PTPRD: variants seen among roughly 807,000 people sequenced by gnomAD.
PTPRD encodes the protein protein tyrosine phosphatase receptor type D, also known as receptor-type tyrosine-protein phosphatase delta.
In PTPRD, 34 loss-of-function variants were observed where a neutral mutation model predicts 214.5. The ratio of observed to expected loss-of-function variants is 0.16; its 90% CI spans 0.12 to 0.21. The LOEUF (loss-of-function observed/expected upper bound fraction) is 0.21, where lower values mean the gene tolerates loss of function less well. PTPRD is among the 10% of genes least tolerant of loss of function. The pLI is 1.00. For synonymous variants in PTPRD, 1,128 were observed against 845.7 expected (o/e 1.33, Z -5.79); for missense variants, 2,545 against 2,398.7 (o/e 1.06, Z -1.27).
At chr9:10,437,872 G>C (rs1219986295) in intron 2 of PTPRD, among the ~76,000 whole-genome samples, 1 of 150,612 alleles carries the variant, frequency 6.6e-6, no homozygotes, top group African/African-American at 2.5e-5. Flanking sequence ...AGTGTCAGTA[G>C]ATGAGGCCGC....
intron 2 of PTPRD, among the ~76,000 whole-genome samples, chr9:10,410,268 T>TAC (rs1565857682): frequency 1.5e-5 from 2 of 134,040 alleles, no homozygotes; most frequent in African/African-American, 2.7e-5. Flanking sequence ...TATATATATA[T>TAC]ATACACACAC....
At chr9:9,688,456 T>A (rs181150843) in intron 7 of PTPRD, among the ~76,000 whole-genome samples, 1 of 151,898 alleles carries the variant, frequency 6.6e-6, no homozygotes, top group Non-Finnish European at 1.5e-5. Flanking sequence ...TTCCCCTCAA[T>A]GTTTTGTTGT....
chr9:8,481,809 G>A (rs966930591), intron 30 of PTPRD, among the ~76,000 whole-genome samples: 1 of 151,388 alleles, frequency 6.6e-6, no homozygotes. Context: ...TTGAGACGGA[G>A]TATACCTCTG....
At position 10,577,139 on chromosome 9, in the gene PTPRD, G is replaced by A. The variant is rs2069679776; in HGVS notation, c.-600+35259C>T. ...ACTATGCATACTGGGGTACTTTTAT[G>A]GAAAGAAATAAAGAAAACTGCATGT... On this transcript the variant is annotated intron_variant, in intron 2 of 45. Transcript: ENST00000381196. Among the ~76,000 whole-genome samples the A allele has an allele frequency of 2.6e-5, 4 of 151,894 alleles. No individual in the cohort carries two copies. In the South Asian group the frequency reaches 6.2e-4, roughly 24 times the overall value.
At chr9:9,551,666 T>C (rs981368410) in intron 8 of PTPRD, among the ~76,000 whole-genome samples, 3 of 151,986 alleles carry the variant, frequency 2.0e-5, no homozygotes, top group African/African-American at 4.8e-5. Flanking sequence ...TTTAATTCCA[T>C]TGGACTTTCC....
chr9:8,812,351 A>G (rs1241205483), intron 11 of PTPRD, among the ~76,000 whole-genome samples: 1 of 152,220 alleles, frequency 6.6e-6, no homozygotes, highest in Non-Finnish European at 1.5e-5. Flanking sequence ...AAATAATGTC[A>G]GTCATTCTTG....
chr9:10,286,728 AG>A (rs2095367562), intron 3 of PTPRD, among the ~76,000 whole-genome samples: 1 of 152,032 alleles, frequency 6.6e-6, no homozygotes, highest in African/African-American at 2.4e-5. Flanking sequence ...CATCCCAAGT[AG>A]CTGGTATTAC....
At chr9:9,454,769 T>C (rs2092748296) in intron 8 of PTPRD, among the ~76,000 whole-genome samples, 1 of 151,586 alleles carries the variant, frequency 6.6e-6, no homozygotes, top group South Asian at 2.1e-4. Flanking sequence ...GCACCGACTA[T>C]GTGTTAGTCT....
chr9:9,674,804 T>C (rs1000272878), intron 7 of PTPRD, among the ~76,000 whole-genome samples: 10 of 151,878 alleles, frequency 6.6e-5, no homozygotes, highest in Non-Finnish European at 1.5e-4. Context: ...TTTTGATACA[T>C]ATAAAGTAAA....
chr9:10,399,545 C>T lies in PTPRD; in HGVS notation c.-599-58528G>A, dbSNP rs144632108. Among the ~76,000 whole-genome samples the T allele has an allele frequency of 9.4e-3, 1,428 of 151,968 alleles. 18 individuals are homozygous for T. The highest frequency in any genetic ancestry group is 0.033 in the African/African-American group (1,374 of 41,506). ...ACATGAAACTAGTTTTAAGAGGCTT[C>T]ATGAAGCTATGCATGTTCTTGAATA... is the stretch of plus-strand genomic sequence containing the variant. On this transcript the variant is annotated intron_variant, in intron 2 of 45. Coordinates refer to ENST00000381196, the MANE Select transcript of PTPRD (RefSeq NM_002839.4).
At chr9:10,384,793 T>A (rs2097885771) in intron 2 of PTPRD, among the ~76,000 whole-genome samples, 1 of 151,156 alleles carries the variant, frequency 6.6e-6, no homozygotes, top group African/African-American at 2.4e-5. Context: ...TCCTTCTCCA[T>A]CTTAAAGAGG....
At chr9:10,148,085 C>T (rs1478910793) in intron 3 of PTPRD, among the ~76,000 whole-genome samples, 3 of 152,178 alleles carry the variant, frequency 2.0e-5, no homozygotes, top group African/African-American at 4.8e-5. Flanking sequence ...CCACCACCAC[C>T]TTTCACTATT....
rs1165502124 is a variant in PTPRD, at chr9:9,430,560, G to T, written c.-236-33078C>A. ...AGAATTGGAAAAAAACTACTTTAAA[G>T]TTCATATGGAACAAAAAAGAGCCCG... On this transcript the variant is annotated intron_variant, in intron 8 of 45. Coordinates refer to ENST00000381196, the MANE Select transcript of PTPRD (RefSeq NM_002839.4). Among the ~76,000 whole-genome samples, 5 of 152,080 alleles carry T rather than the reference G, an allele frequency of 3.3e-5. No individual in the cohort carries two copies. The East Asian group carries it at 9.6e-4, about 29-fold the overall frequency.
chr9:10,153,368 AT>A (rs2099073622), intron 3 of PTPRD, among the ~76,000 whole-genome samples: 1 of 151,488 alleles, frequency 6.6e-6, no homozygotes, highest in Admixed American at 6.6e-5. Context: ...AAAATTTATG[AT>A]TTTGTGGGTC....
At chr9:10,275,074 G>T (rs1488921332) in intron 3 of PTPRD, among the ~76,000 whole-genome samples, 1 of 152,148 alleles carries the variant, frequency 6.6e-6, no homozygotes, top group African/African-American at 2.4e-5. Flanking sequence ...TTTCAATAGG[G>T]CTGCTATGTA....
chr9:8,934,891 A>C (rs2098986119), intron 11 of PTPRD, among the ~76,000 whole-genome samples: 1 of 151,920 alleles, frequency 6.6e-6, no homozygotes, highest in African/African-American at 2.4e-5. Context: ...GTCTTATTTC[A>C]CTTAGCATAA....
chr9:9,580,539 TTTA>T (rs927419640), intron 7 of PTPRD, among the ~76,000 whole-genome samples: 1 of 143,568 alleles, frequency 7.0e-6, no homozygotes, highest in Non-Finnish European at 1.5e-5. Context: ...CTTAGCTTAC[TTTA>T]TTTTCTTTTT....
In PTPRD at chr9:8,507,356, G is replaced by A. The variant is rs2137500510; in HGVS notation, c.1622C>T (p.Ser541Leu). Reference protein sequence around the residue: ...SILLSWTPPRSDTIANYELVY... With the variant: ...SILLSWTPPRLDTIANYELVY... ...CAGTTCATAGTTGGCAATGGTATCTGAACGTGGAGGTGTCCAAGAGAGCAA... is the reference window on the plus strand; with the variant it reads ...CAGTTCATAGTTGGCAATGGTATCTAAACGTGGAGGTGTCCAAGAGAGCAA... The change falls in exon 22 of 46, where the codon TCA (serine) becomes TTA (leucine). Residue 541 changes from serine to leucine, a missense_variant. By Grantham distance (145) the Ser-to-Leu change is moderately radical. Coordinates refer to ENST00000381196, the MANE Select transcript of PTPRD (RefSeq NM_002839.4). The A allele has an allele frequency of 6.2e-7, 1 of 1,613,984 alleles. No individual in the cohort carries two copies. The highest frequency in any genetic ancestry group is 8.5e-7 in the Non-Finnish European group (1 of 1,179,868).
intron 14 of PTPRD, among the ~76,000 whole-genome samples, chr9:8,613,455 C>T (rs1418589138): frequency 6.6e-6 from 1 of 152,104 alleles, no homozygotes; most frequent in Admixed American, 6.6e-5. Flanking sequence ...CTGCTACTGA[C>T]TTATTTTTTT....
Sources: gnomAD v4.1 joint callset for allele counts (sites outside exome capture counted in the v4.1 genomes callset) on GRCh38, gnomAD v4.1.1 for gene constraint, MANE v1.5 for transcripts, NCBI Gene and HGNC (gene_info 2026-07-23, HGNC 2026-07-21) for gene names.